The following ZBTB20 variants were observed in gnomAD, a reference collection of about 807,000 sequenced individuals.
ZBTB20 encodes zinc finger and BTB domain-containing protein 20.
ZBTB20 carries 9 observed loss-of-function variants against 56.9 expected under a neutral mutation model. That is an observed-to-expected ratio of 0.16 (90% CI 0.10 to 0.28). ZBTB20 has a LOEUF of 0.28. Ranked by LOEUF, ZBTB20 falls within the 10% of genes least tolerant of loss-of-function variation. ZBTB20 has a pLI of 1.00. For synonymous variants in ZBTB20, 417 were observed against 420.7 expected, an observed-to-expected ratio of 0.99 and a Z score of 0.11; for missense variants, 655 against 1,003.0, an observed-to-expected ratio of 0.65 and a Z score of 4.69.
At chr3:114,486,119 A>AGTGT (rs150394898) in intron 7 of ZBTB20, among the ~76,000 whole-genome samples, 600 of 26,772 alleles carry the variant, frequency 0.022, 142 homozygotes, top group Middle Eastern at 0.071. Context: ...GGTCAGTAAG[A>AGTGT]GTGTGTGTGT....
chr3:114,951,295 C>A (rs919769046), intron 3 of ZBTB20, among the ~76,000 whole-genome samples: 1 of 151,676 alleles, frequency 6.6e-6, no homozygotes, highest in Non-Finnish European at 1.5e-5. Context: ...GGCATAGTCA[C>A]AGAAATGTGC....
At chr3:115,104,821 A>C (rs2108613450) in intron 1 of ZBTB20, among the ~76,000 whole-genome samples, 1 of 152,334 alleles carries the variant, frequency 6.6e-6, no homozygotes, top group South Asian at 2.1e-4. Flanking sequence ...CACAGAAGGC[A>C]CAACACCAAG....
chr3:114,831,720 GAAGTC>G (rs1463672659), intron 4 of ZBTB20, among the ~76,000 whole-genome samples: 7 of 151,910 alleles, frequency 4.6e-5, no homozygotes, highest in Admixed American at 1.3e-4. Flanking sequence ...CAGATATAAA[GAAGTC>G]AAGCTCAACT....
intron 6 of ZBTB20, among the ~76,000 whole-genome samples, chr3:114,663,226 C>G (rs570678316): frequency 0.012 from 1,738 of 145,238 alleles, 35 homozygotes; most frequent in African/African-American, 0.042. Context: ...AGAGTGGGGG[C>G]CAATATTCAA....
intron 4 of ZBTB20, among the ~76,000 whole-genome samples, chr3:114,810,630 C>A (rs1187790664): frequency 3.3e-5 from 5 of 152,194 alleles, no homozygotes; most frequent in Non-Finnish European, 7.3e-5. Context: ...AATTTGGCCA[C>A]TTTCACTCCC....
intron 2 of ZBTB20, among the ~76,000 whole-genome samples, chr3:115,055,334 T>C (rs931389327): frequency 1.3e-5 from 2 of 151,824 alleles, no homozygotes; most frequent in African/African-American, 2.4e-5. Context: ...CCAAGAACCA[T>C]AGGATTAATC....
intron 7 of ZBTB20, among the ~76,000 whole-genome samples, chr3:114,480,687 C>G (rs1184201787): frequency 6.6e-6 from 1 of 152,168 alleles, no homozygotes; most frequent in Non-Finnish European, 1.5e-5. Flanking sequence ...TTGTCCTAAA[C>G]CTGCTGGATT....
Position 114,640,012 on chromosome 3 carries a change from A to AT in ZBTB20, c.-295+53515dup, listed in dbSNP as rs150441867. On this transcript the variant is annotated intron_variant, in intron 6 of 11. Transcript: ENST00000675478. ...CAAAAATCTATTTTTTAGTAGTTTA[A>AT]TTTTTTTTTATCAATTACTAACTTG... Among the ~76,000 whole-genome samples the AT allele has an allele frequency of 5.2e-3, 796 of 151,752 alleles. 8 individuals are homozygous for AT. Among genetic ancestry groups the AT allele is most frequent in the Middle Eastern group, 0.024 (7 of 292 alleles).
chr3:114,754,032 A>T (rs572478049), intron 5 of ZBTB20, among the ~76,000 whole-genome samples: 1 of 152,198 alleles, frequency 6.6e-6, no homozygotes, highest in South Asian at 2.1e-4. Context: ...CCACTACCTA[A>T]TTAATTCCTT....
At chr3:114,885,708 A>T (rs1251900791) in intron 4 of ZBTB20, among the ~76,000 whole-genome samples, 1 of 152,162 alleles carries the variant, frequency 6.6e-6, no homozygotes, top group East Asian at 1.9e-4. Flanking sequence ...TTCAGGGATT[A>T]CTTAATTTTC....
intron 7 of ZBTB20, among the ~76,000 whole-genome samples, chr3:114,434,217 C>T (rs1399735622): frequency 6.6e-6 from 1 of 151,818 alleles, no homozygotes; most frequent in East Asian, 1.9e-4. Flanking sequence ...TTCAGTCTTC[C>T]AAATGAGGGA....
At chr3:114,985,032 C>T (rs1482217307) in intron 2 of ZBTB20, among the ~76,000 whole-genome samples, 1 of 152,030 alleles carries the variant, frequency 6.6e-6, no homozygotes, top group African/African-American at 2.4e-5. Flanking sequence ...CTCTTTATCC[C>T]ACTATCCACC....
intron 11 of ZBTB20, among the ~76,000 whole-genome samples, chr3:114,342,454 G>A (rs1226431561): frequency 6.6e-6 from 1 of 152,110 alleles, no homozygotes. Context: ...CAAGGGGAAG[G>A]TCATATAAGT....
At chr3:114,727,853 C>G (rs1302212636) in intron 5 of ZBTB20, among the ~76,000 whole-genome samples, 1 of 151,910 alleles carries the variant, frequency 6.6e-6, no homozygotes, top group Non-Finnish European at 1.5e-5. Flanking sequence ...ATAATAATAA[C>G]AATAATTACC....
At chr3:114,569,042 A>C (rs1192019543) in intron 6 of ZBTB20, among the ~76,000 whole-genome samples, 1 of 152,190 alleles carries the variant, frequency 6.6e-6, no homozygotes, top group African/African-American at 2.4e-5. Context: ...TATAACAGGT[A>C]TTTGTTCTCC....
At chr3:114,450,041 G>C (rs1458780846) in intron 7 of ZBTB20, among the ~76,000 whole-genome samples, 3 of 152,192 alleles carry the variant, frequency 2.0e-5, no homozygotes, top group Admixed American at 1.3e-4. Context: ...TAATGTGCAA[G>C]CCTTAATGGG....
intron 6 of ZBTB20, among the ~76,000 whole-genome samples, chr3:114,596,227 A>G (rs1490877539): frequency 6.6e-6 from 1 of 152,192 alleles, no homozygotes; most frequent in Non-Finnish European, 1.5e-5. Context: ...TAACCTAAGC[A>G]AAAATACAAA....
chr3:114,853,557 T>G (rs2075107339), intron 4 of ZBTB20, among the ~76,000 whole-genome samples: 1 of 152,218 alleles, frequency 6.6e-6, no homozygotes, highest in South Asian at 2.1e-4. Flanking sequence ...ATCAAGTGCT[T>G]GCCCGTCCTT....
At chr3:114,456,629 T>A (rs569421938) in intron 7 of ZBTB20, among the ~76,000 whole-genome samples, 1 of 152,174 alleles carries the variant, frequency 6.6e-6, no homozygotes, top group Non-Finnish European at 1.5e-5. Flanking sequence ...AAGGGGAAAC[T>A]ATATTTTCCG....
Sources: allele counts gnomAD v4.1 joint callset (sites outside exome capture counted in the v4.1 genomes callset), GRCh38; gene constraint gnomAD v4.1.1; transcripts MANE v1.5; gene names NCBI Gene and HGNC (gene_info 2026-07-23, HGNC 2026-07-21).